Variants in MYO1D observed in about 807,000 individuals in gnomAD.
MYO1D encodes the protein unconventional myosin-Id.
In MYO1D, 83 loss-of-function variants were observed where a neutral mutation model predicts 122.0. The observed-to-expected ratio is 0.68, with a 90% CI of 0.57 to 0.82. The LOEUF is 0.82. MYO1D is among the 40% of genes least tolerant of loss of function. The probability of loss-of-function intolerance (pLI) is 0.00; values close to 1 mark genes in which losing one functional copy is unlikely to be tolerated. For missense variants in MYO1D, 1,157 were observed against 1,269.5 expected (o/e 0.91, Z 1.35); for synonymous variants, 464 against 446.9 (o/e 1.04, Z -0.48).
At chr17:32,603,557 C>CTTCTGTT (rs2087588187) in intron 21 of MYO1D, among the ~76,000 whole-genome samples, 1 of 132,136 alleles carries the variant, frequency 7.6e-6, no homozygotes, top group Admixed American at 8.7e-5. Context: ...ACAGAGTCTC[C>CTTCTGTT]TTCTGTTGCC....
chr17:32,781,919 A>T (rs2151030102), intron 1 of MYO1D, among the ~76,000 whole-genome samples: 1 of 152,340 alleles, frequency 6.6e-6, no homozygotes, highest in Middle Eastern at 3.4e-3. Context: ...TTTCCACATA[A>T]CAAGTGGTTA....
At chr17:32,671,896 C>A (rs890311686) in intron 16 of MYO1D, among the ~76,000 whole-genome samples, 1 of 152,158 alleles carries the variant, frequency 6.6e-6, no homozygotes, top group Non-Finnish European at 1.5e-5. Context: ...AAAGTTTGAT[C>A]TTTTGTTCAC....
At chr17:32,578,022 A>C (rs896312651) in intron 21 of MYO1D, among the ~76,000 whole-genome samples, 2 of 152,180 alleles carry the variant, frequency 1.3e-5, no homozygotes, top group Non-Finnish European at 2.9e-5. Flanking sequence ...TACAGGCGTG[A>C]GCCACCGCGC....
At chr17:32,553,970 T>C (rs2087045810) in intron 21 of MYO1D, among the ~76,000 whole-genome samples, 1 of 152,156 alleles carries the variant, frequency 6.6e-6, no homozygotes, top group Non-Finnish European at 1.5e-5. Flanking sequence ...TCTTCCATGC[T>C]CTTCCCCTCC....
At chr17:32,503,769 G>A (rs946005141) in intron 21 of MYO1D, among the ~76,000 whole-genome samples, 3 of 152,224 alleles carry the variant, frequency 2.0e-5, no homozygotes, top group African/African-American at 7.2e-5. Context: ...CTCACACTGA[G>A]GACAACAGCT....
chr17:32,828,892 G>A lies in MYO1D; in HGVS notation c.95+47886C>T, dbSNP rs1035086624. 3.9e-5 allele frequency among the ~76,000 whole-genome samples: 6 copies of A among 152,088 alleles called. No individual in the cohort carries two copies. In the South Asian group the frequency reaches 6.2e-4, roughly 16 times the overall value. On this transcript the variant is annotated intron_variant, in intron 1 of 21. Transcript: ENST00000318217. Reference sequence around the variant, plus strand: ...TATACTATATTCCTGCTATGGAAACGGAGGCACACACATACAAGTCGGGTA... The same window carrying A: ...TATACTATATTCCTGCTATGGAAACAGAGGCACACACATACAAGTCGGGTA...
chr17:32,629,160 TC>T (rs74814057), intron 20 of MYO1D, among the ~76,000 whole-genome samples: 52,065 of 152,024 alleles, frequency 0.34, 9,228 homozygotes, highest in South Asian at 0.47. Context: ...TATATGACAT[TC>T]TAGAAAAGGC....
chr17:32,768,732 T>C (rs2090085442), intron 6 of MYO1D, among the ~76,000 whole-genome samples: 1 of 152,118 alleles, frequency 6.6e-6, no homozygotes, highest in Admixed American at 6.5e-5. Flanking sequence ...ATGGGCATAA[T>C]AACATATATC....
At chr17:32,651,165 G>A (rs2088382301) in intron 19 of MYO1D, among the ~76,000 whole-genome samples, 2 of 152,104 alleles carry the variant, frequency 1.3e-5, no homozygotes, top group African/African-American at 4.8e-5. Context: ...TACTCTATTC[G>A]GTGCCTCATA....
At chr17:32,574,074 G>C (rs926202009) in intron 21 of MYO1D, among the ~76,000 whole-genome samples, 1 of 151,050 alleles carries the variant, frequency 6.6e-6, no homozygotes, top group Non-Finnish European at 1.5e-5. Context: ...GGATGGTCTC[G>C]ATCTCCTGAC....
chr17:32,870,649 C>T (rs965828435), intron 1 of MYO1D, among the ~76,000 whole-genome samples: 11 of 150,936 alleles, frequency 7.3e-5, no homozygotes, highest in Admixed American at 5.9e-4. Context: ...TGGTTGAAGA[C>T]CAATCAGCCA....
intron 21 of MYO1D, among the ~76,000 whole-genome samples, chr17:32,528,688 GAGA>G (rs1443066597): frequency 1.3e-5 from 2 of 152,116 alleles, no homozygotes; most frequent in Admixed American, 6.6e-5. Flanking sequence ...TCTTTTAAAA[GAGA>G]GGCAGAGGGA....
chr17:32,639,389 G>A (rs2088158798), intron 19 of MYO1D, among the ~76,000 whole-genome samples: 1 of 150,346 alleles, frequency 6.7e-6, no homozygotes, highest in African/African-American at 2.5e-5. Flanking sequence ...GTGTGTGTGT[G>A]TGTGTGTGTG....
chr17:32,571,334 G>A (rs1338633669), intron 21 of MYO1D, among the ~76,000 whole-genome samples: 1 of 152,076 alleles, frequency 6.6e-6, no homozygotes. Context: ...TGGCAACCCC[G>A]CCTCTGGCCC....
At chr17:32,624,290 G>A (rs763313231) in intron 20 of MYO1D, among the ~76,000 whole-genome samples, 9 of 150,138 alleles carry the variant, frequency 6.0e-5, no homozygotes, top group Admixed American at 2.7e-4. Flanking sequence ...GGGCTCAAGC[G>A]GTCCTCTCAC....
At chr17:32,829,749 C>T (rs1050379585) in intron 1 of MYO1D, among the ~76,000 whole-genome samples, 2 of 152,118 alleles carry the variant, frequency 1.3e-5, no homozygotes, top group South Asian at 2.1e-4. Flanking sequence ...CCACCAAGCC[C>T]GGCTTCATGT....
At chr17:32,727,500 T>C (rs1236161669) in intron 14 of MYO1D, 1 of 152,224 alleles carries the variant, frequency 6.6e-6, no homozygotes, top group Non-Finnish European at 1.5e-5. Flanking sequence ...ATAAGTAATG[T>C]TGTTAAGTGA....
chr17:32,772,693 G>T (rs1180930197), intron 5 of MYO1D, 96 bp downstream of exon 5: 3 of 988,206 alleles, frequency 3.0e-6, no homozygotes, highest in South Asian at 1.3e-5. Context: ...CAATGGAGAT[G>T]AGTGATGCAT....
intron 21 of MYO1D, among the ~76,000 whole-genome samples, chr17:32,582,719 C>T (rs1273294706): frequency 6.6e-6 from 1 of 152,124 alleles, no homozygotes; most frequent in Non-Finnish European, 1.5e-5. Flanking sequence ...TTTCTATTGA[C>T]TTGTTCTATC....
Sources: allele counts gnomAD v4.1 joint callset (sites outside exome capture counted in the v4.1 genomes callset), GRCh38; gene constraint gnomAD v4.1.1; transcripts MANE v1.5; gene names NCBI Gene and HGNC (gene_info 2026-07-23, HGNC 2026-07-21).